The following LRRC1 variants were observed in gnomAD, a reference collection of about 807,000 sequenced individuals.
LRRC1 encodes leucine-rich repeat-containing protein 1.
Under a neutral mutation model 69.9 loss-of-function variants are expected in LRRC1, and 28 were observed. The ratio of observed to expected loss-of-function variants is 0.40; its 90% confidence interval spans 0.30 to 0.55. LRRC1 has a LOEUF of 0.55. Ranked by LOEUF, LRRC1 falls within the 20% of genes least tolerant of loss-of-function variation. The pLI, the probability that LRRC1 is intolerant of heterozygous loss-of-function variation, is 0.47. For missense variants in LRRC1, 498 were observed against 609.0 expected (o/e 0.82, Z 1.92); for synonymous variants, 236 against 240.2 (o/e 0.98, Z 0.16).
chr6:53,807,920 G>A (rs1764681492), intron 1 of LRRC1, among the ~76,000 whole-genome samples: 1 of 152,228 alleles, frequency 6.6e-6, no homozygotes, highest in East Asian at 1.9e-4. Flanking sequence ...AAAGCCTTGG[G>A]GATGAACTTG....
intron 2 of LRRC1, among the ~76,000 whole-genome samples, chr6:53,861,007 C>T (rs576478328): frequency 3.7e-5 from 5 of 135,308 alleles, no homozygotes; most frequent in East Asian, 5.7e-4. Flanking sequence ...CAGAAGGGAA[C>T]GACAGACACT....
intron 1 of LRRC1, among the ~76,000 whole-genome samples, chr6:53,815,283 G>C (rs3001002): frequency 0.83 from 125,408 of 151,980 alleles, 51,941 homozygotes; most frequent in East Asian, 0.92. Flanking sequence ...CTTATCTCTA[G>C]CCTCTAATGG....
At chr6:53,847,054 C>G (rs548418804) in intron 2 of LRRC1, among the ~76,000 whole-genome samples, 24 of 152,178 alleles carry the variant, frequency 1.6e-4, no homozygotes, top group Admixed American at 3.9e-4. Flanking sequence ...GTGTATACTA[C>G]CAGCACTGCT....
intron 1 of LRRC1, among the ~76,000 whole-genome samples, chr6:53,834,829 G>GCA (rs918580199): frequency 3.3e-5 from 5 of 152,112 alleles, no homozygotes; most frequent in Non-Finnish European, 7.3e-5. Flanking sequence ...AAAAATGGTG[G>GCA]CACACACCGG....
At chr6:53,844,744 CCTT>C (rs1315663358) in intron 2 of LRRC1, among the ~76,000 whole-genome samples, 2 of 152,186 alleles carry the variant, frequency 1.3e-5, no homozygotes, top group Admixed American at 1.3e-4. Flanking sequence ...AGAACGTTCA[CCTT>C]CTTATCCAGC....
intron 4 of LRRC1, 52 bp downstream of exon 4, chr6:53,883,028 C>A: frequency 1.8e-6 from 2 of 1,119,416 alleles, no homozygotes; most frequent in Non-Finnish European, 1.3e-6. Context: ...GGGTTTATAT[C>A]ATCAGCTCTA....
chr6:53,795,079 C>G lies in LRRC1; in HGVS notation c.-178C>G, dbSNP rs1350584427. 4 of 556,394 alleles carry G rather than the reference C, an allele frequency of 7.2e-6. No homozygotes were observed. The highest frequency in any genetic ancestry group is 4.0e-5 in the African/African-American group (2 of 49,768). The allele number at this position is 556,394 out of a possible 1,614,324, so 34.5% of individuals were successfully genotyped here. ...GGTACAGGGACGGGGCAGGGGCTCC[C>G]GCTCCAGGTTCCTTGAAGCACTTCC... On this transcript the variant is annotated 5_prime_UTR_variant, in exon 1 of 14. Coordinates refer to ENST00000370888, the MANE Select transcript of LRRC1 (RefSeq NM_018214.5).
chr6:53,828,281 G>A (rs1477992980), intron 1 of LRRC1, among the ~76,000 whole-genome samples: 1 of 152,056 alleles, frequency 6.6e-6, no homozygotes, highest in Non-Finnish European at 1.5e-5. Flanking sequence ...AGATCTAGTT[G>A]AGTTCATTTG....
At chr6:53,812,674 T>C (rs1173651701) in intron 1 of LRRC1, among the ~76,000 whole-genome samples, 1 of 105,354 alleles carries the variant, frequency 9.5e-6, no homozygotes, top group African/African-American at 3.9e-5. Flanking sequence ...TGGGCAAGAG[T>C]GCAAGACTCC....
rs777119430 is a variant in LRRC1, at chr6:53,896,531, G to T, written c.480G>T (p.Glu160Asp). The T allele has an allele frequency of 6.2e-7, 1 of 1,613,182 alleles. No homozygotes were observed. Among genetic ancestry groups the T allele is most frequent in the Non-Finnish European group, 8.5e-7 (1 of 1,179,326 alleles). ...LYNLASLELR[E>D]NLLTYLPDSL... ...ACCTGGCTTCACTGGAACTGAGAGA[G>T]AATCTTCTTACATATCTTCCTGAGT... is the stretch of plus-strand genomic sequence containing the variant. The change falls in exon 5 of 14, where the codon GAG becomes GAT. Residue 160 changes from glutamate to aspartate, a missense_variant. Transcript: ENST00000370888.
At chr6:53,844,978 G>A (rs148847157) in intron 2 of LRRC1, among the ~76,000 whole-genome samples, 3,194 of 152,272 alleles carry the variant, frequency 0.021, 43 homozygotes, top group Middle Eastern at 0.048. Flanking sequence ...GCCAAGGCGG[G>A]GGGATCACTA....
intron 4 of LRRC1, among the ~76,000 whole-genome samples, chr6:53,885,800 T>C (rs1767454838): frequency 6.6e-6 from 1 of 152,154 alleles, no homozygotes; most frequent in South Asian, 2.1e-4. Context: ...CCTGGACACA[T>C]CTCTCCCATC....
intron 2 of LRRC1, among the ~76,000 whole-genome samples, chr6:53,865,606 A>C (rs1766677246): frequency 6.6e-6 from 1 of 152,066 alleles, no homozygotes; most frequent in Non-Finnish European, 1.5e-5. Flanking sequence ...GATTTGTTTT[A>C]ACATCAGCGA....
Position 53,795,159 on chromosome 6 carries a change from G to A in LRRC1, c.-98G>A, listed in dbSNP as rs1581833604. 3.7e-6 allele frequency: 4 copies of A among 1,086,014 alleles called. No individual in the cohort carries two copies. In the East Asian group the frequency reaches 8.0e-5, roughly 22 times the overall value. 67.3% of individuals were successfully genotyped at this position (1,086,014 alleles called of 1,614,324 possible). On this transcript the variant is annotated 5_prime_UTR_variant, in exon 1 of 14. Transcript: ENST00000370888. ...TAACCCAAGAGCCAACAACGAGCGC[G>A]GAGAGGGCAGCGGACTGAGCGGAGC...
intron 1 of LRRC1, among the ~76,000 whole-genome samples, chr6:53,827,035 A>G (rs1349321990): frequency 1.3e-5 from 2 of 152,198 alleles, no homozygotes; most frequent in South Asian, 2.1e-4. Context: ...TGGCTTGATC[A>G]TAAGAATTAA....
chr6:53,815,340 C>T (rs1290084439), intron 1 of LRRC1, among the ~76,000 whole-genome samples: 1 of 152,170 alleles, frequency 6.6e-6, no homozygotes, highest in Non-Finnish European at 1.5e-5. Flanking sequence ...CCTCATTTTT[C>T]TCACCTTTAA....
chr6:53,894,538 G>T (rs1240721796), intron 4 of LRRC1, among the ~76,000 whole-genome samples: 1 of 152,150 alleles, frequency 6.6e-6, no homozygotes, highest in Non-Finnish European at 1.5e-5. Context: ...GTTAAAATAG[G>T]TGTGAAAGTA....
chr6:53,820,486 G>T (rs1765085895), intron 1 of LRRC1, among the ~76,000 whole-genome samples: 1 of 150,286 alleles, frequency 6.7e-6, no homozygotes, highest in Non-Finnish European at 1.5e-5. Flanking sequence ...ATTGAACAGT[G>T]TGAAGCCCTG....
At chr6:53,803,030 G>A (rs960377225) in intron 1 of LRRC1, among the ~76,000 whole-genome samples, 1 of 152,180 alleles carries the variant, frequency 6.6e-6, no homozygotes, top group African/African-American at 2.4e-5. Context: ...GCTCCCAGCG[G>A]AAAAGGAGCA....
Sources: allele counts gnomAD v4.1 joint callset (sites outside exome capture counted in the v4.1 genomes callset), GRCh38; gene constraint gnomAD v4.1.1; transcripts MANE v1.5; gene names NCBI Gene and HGNC (gene_info 2026-07-23, HGNC 2026-07-21).